The following C1orf167 variants were observed in gnomAD, a reference collection of about 807,000 sequenced individuals.
C1orf167 encodes uncharacterized protein C1orf167.
C1orf167 carries 153 observed loss-of-function variants against 176.5 expected under a neutral mutation model. The ratio of observed to expected loss-of-function variants is 0.87; its 90% confidence interval spans 0.76 to 0.99. C1orf167 has a LOEUF of 0.99. C1orf167 is among the 50% of genes least tolerant of loss of function. The pLI is 0.00. For synonymous variants in C1orf167, 594 were observed against 752.7 expected, an observed-to-expected ratio of 0.79 and a Z score of 3.45; for missense variants, 1,490 against 1,817.7, an observed-to-expected ratio of 0.82 and a Z score of 3.28.
chr1:11,774,659 G>T (rs942836458), intron 8 of C1orf167, among the ~76,000 whole-genome samples: 1 of 152,194 alleles, frequency 6.6e-6, no homozygotes, highest in East Asian at 1.9e-4. Flanking sequence ...TTAGTACAGG[G>T]TAGGGGGGCT....
rs1642841913 is a variant in C1orf167, at chr1:11,767,170, C to T, written c.1300-51C>T. ...GGAGGCTTGGCAGGGGGTGCCCTGT[C>T]CTGCCTGCTGCTTGGCCTGAGAACT... On this transcript the variant is annotated intron_variant, in intron 3 of 20. Coordinates refer to ENST00000688073, the MANE Select transcript of C1orf167 (RefSeq NM_001010881.2). 4 of 1,288,156 alleles carry T rather than the reference C, an allele frequency of 3.1e-6. No individual in the cohort carries two copies. In the East Asian group the frequency reaches 1.7e-4, roughly 54 times the overall value. 79.8% of individuals were successfully genotyped at this position (1,288,156 alleles called of 1,614,324 possible). A position where few individuals can be genotyped will look rare whatever the true frequency, so the allele number is the denominator to read the frequency against.
intron 12 of C1orf167, 112 bp downstream of exon 12, chr1:11,779,192 G>C: frequency 9.6e-7 from 1 of 1,038,926 alleles, no homozygotes; most frequent in South Asian, 1.7e-5. Flanking sequence ...CTGCACCTCA[G>C]GGGGCTTCAG....
In C1orf167 at chr1:11,762,210, G is replaced by C. The variant is rs1386787028; in HGVS notation, c.-166G>C. 2.2e-6 allele frequency: 1 copy of C among 447,770 alleles called. No individual in the cohort carries two copies. The highest frequency in any genetic ancestry group is 4.5e-6 in the Non-Finnish European group (1 of 220,600). 27.7% of individuals were successfully genotyped at this position (447,770 alleles called of 1,614,324 possible). ...TGCTCTCCGACGTCCCCTCCCGCCC[G>C]CGACCTGCCGACCTGCGGGGATCGT... On this transcript the variant is annotated 5_prime_UTR_variant, in exon 1 of 21. Transcript: ENST00000688073.
At chr1:11,781,228 C>T (rs1038522448) in intron 13 of C1orf167, among the ~76,000 whole-genome samples, 4 of 151,954 alleles carry the variant, frequency 2.6e-5, no homozygotes, top group Non-Finnish European at 4.4e-5. Context: ...GAACTCCTGA[C>T]CTCAAGTGAT....
chr1:11,780,600 T>C (rs1428832163), intron 13 of C1orf167, among the ~76,000 whole-genome samples: 2 of 152,210 alleles, frequency 1.3e-5, no homozygotes, highest in Admixed American at 6.5e-5. Context: ...CTTACACATC[T>C]GTAAAATGGG....
rs138288803 is a variant in C1orf167 at position 11,787,929 on chromosome 1, C to T, written c.3730C>T (p.Gln1244Ter). The T allele has an allele frequency of 7.7e-7, 1 of 1,302,798 alleles. No homozygotes were observed. The highest frequency in any genetic ancestry group is 1.0e-6 in the Non-Finnish European group (1 of 988,124). 80.7% of individuals were successfully genotyped at this position (1,302,798 alleles called of 1,614,324 possible). A position where few individuals can be genotyped will look rare whatever the true frequency, so the allele number is the denominator to read the frequency against. The change falls in exon 18 of 21, where the codon CAG (glutamine) becomes TAG (stop). Residue 1244 changes from glutamine to a stop codon, truncating the protein, a stop_gained. Coordinates refer to ENST00000688073, the MANE Select transcript of C1orf167 (RefSeq NM_001010881.2). LOFTEE classifies it high-confidence loss of function. ...CCAGCTCTGGCCACAGTGGCCTGGA[C>T]AGAGTAGCTGGGTCCCAGGCCTGCC... The part of the protein sequence containing the change: ...AFQLWPQWPG[Q>*]SSWVPGLPLW...
chr1:11,786,815 C>T (rs954397595), intron 16 of C1orf167: 1 of 152,216 alleles, frequency 6.6e-6, no homozygotes, highest in African/African-American at 2.4e-5. Flanking sequence ...ACATATGGGG[C>T]TATGGCAACA....
In C1orf167 at chr1:11,768,089, G is replaced by A; in HGVS notation, c.1356G>A (p.Leu452=). ...PESEAICWQL[L]SRCFRSWRHL... is the part of the protein sequence containing the mutation. ...GGTCTGTCCCCAGCTGGCAGCTGTT[G>A]TCCAGATGTTTTCGATCCTGGAGGC... Residue 452 remains leucine, a synonymous_variant, in exon 5 of 21, where the codon TTG becomes TTA. Transcript: ENST00000688073. This position sits in a 1 kb window ranked among gnomAD's most constrained non-coding sequence, Gnocchi z 4.5. 1 of 1,288,068 alleles carries A rather than the reference G, an allele frequency of 7.8e-7. No homozygotes were observed. The highest frequency in any genetic ancestry group is 1.2e-5 in the South Asian group (1 of 80,706). The allele number at this position is 1,288,068 out of a possible 1,614,324, so 79.8% of individuals were successfully genotyped here. A position where few individuals can be genotyped will look rare whatever the true frequency, so the allele number is the denominator to read the frequency against.
intron 1 of C1orf167, among the ~76,000 whole-genome samples, chr1:11,764,105 TG>T (rs1337173272): frequency 6.6e-6 from 1 of 151,840 alleles, no homozygotes; most frequent in Non-Finnish European, 1.5e-5. Context: ...CCGAGAGGTC[TG>T]GGGGGCAGGA....
At chr1:11,770,082 T>C (rs1642981094) in intron 6 of C1orf167, among the ~76,000 whole-genome samples, 1 of 151,082 alleles carries the variant, frequency 6.6e-6, no homozygotes, top group Non-Finnish European at 1.5e-5. Flanking sequence ...CATAGCCCCC[T>C]CCCTGGAAGT....
At position 11,765,938 on chromosome 1, in the gene C1orf167, G is replaced by A; in HGVS notation, c.152G>A (p.Arg51Lys). ...DQWVPGCQVE[R>K]GGPAATPSPG... ...TGGGTGCCCGGGTGCCAGGTGGAGA[G>A]GGGAGGGCCTGCTGCCACACCCTCC... is the stretch of plus-strand genomic sequence containing the variant. The change falls in exon 3 of 21, where the codon AGG (arginine) becomes AAG (lysine). Residue 51 changes from arginine (R) to lysine (K), a missense_variant. By Grantham distance (26) the Arg-to-Lys change is conservative. Coordinates refer to ENST00000688073, the MANE Select transcript of C1orf167 (RefSeq NM_001010881.2). 8.0e-7 allele frequency: 1 copy of A among 1,257,604 alleles called. No individual in the cohort carries two copies. Among genetic ancestry groups the A allele is most frequent in the Non-Finnish European group, 1.0e-6 (1 of 971,358 alleles). 77.9% of individuals were successfully genotyped at this position (1,257,604 alleles called of 1,614,324 possible).
Position 11,786,602 on chromosome 1 carries a change from ATTTTTTTT to A in C1orf167, c.3568-774_3568-767del, listed in dbSNP as rs55780505. Reference sequence around the variant, plus strand: ...AGGCGTGTGCCACCACACCCGGCTAATTTTTTTTTTTTTTTTTTTGTAGAAATGGGATC... The same window carrying A: ...AGGCGTGTGCCACCACACCCGGCTAATTTTTTTTTTTGTAGAAATGGGATC... On this transcript the variant is annotated intron_variant, in intron 16 of 20. Coordinates refer to ENST00000688073, the MANE Select transcript of C1orf167 (RefSeq NM_001010881.2). The A allele has an allele frequency of 0.075, 10,663 of 142,226 alleles. 421 individuals are homozygous for A. Among genetic ancestry groups the A allele is most frequent in the Middle Eastern group, 0.12 (32 of 274 alleles). The allele number at this position is 142,226 out of a possible 1,614,324, so 8.8% of individuals were successfully genotyped here.
chr1:11,771,618 C>T lies in C1orf167; in HGVS notation c.1792C>T (p.Gln598Ter). 2.3e-6 allele frequency: 3 copies of T among 1,289,764 alleles called. No homozygotes were observed. The highest frequency in any genetic ancestry group is 3.0e-6 in the Non-Finnish European group (3 of 988,810). 79.9% of individuals were successfully genotyped at this position (1,289,764 alleles called of 1,614,324 possible). The change falls in exon 7 of 21, where the codon CAG (glutamine) becomes TAG (stop). Residue 598 changes from glutamine to a stop codon, truncating the protein, a stop_gained. Coordinates refer to ENST00000688073, the MANE Select transcript of C1orf167 (RefSeq NM_001010881.2). LOFTEE classifies it high-confidence loss of function. ...CAGACACGAGAGAGTCCAGATCCTG[C>T]AGGCCCTGCAACTGGCTGGTGAGAC... is the stretch of plus-strand genomic sequence containing the variant. ...DSRHERVQIL[Q>*]ALQLAVFFLW...
chr1:11,775,183 G>T (rs1643251928), intron 8 of C1orf167, among the ~76,000 whole-genome samples: 1 of 152,160 alleles, frequency 6.6e-6, no homozygotes, highest in Non-Finnish European at 1.5e-5. Flanking sequence ...CAGCTACTTG[G>T]GAGGCTGATG....
chr1:11,767,717 G>A (rs574499537), intron 4 of C1orf167, among the ~76,000 whole-genome samples: 318 of 152,142 alleles, frequency 2.1e-3, no homozygotes, highest in African/African-American at 7.4e-3. Flanking sequence ...TCTCAGCTAC[G>A]CAGGAGGCTG....
At chr1:11,783,637 C>G (rs1228566663) in intron 14 of C1orf167, among the ~76,000 whole-genome samples, 1 of 152,136 alleles carries the variant, frequency 6.6e-6, no homozygotes, top group African/African-American at 2.4e-5. Flanking sequence ...GGAGGCAGGG[C>G]ATGGCTGATG....
At chr1:11,764,298 T>C (rs1642680317) in intron 1 of C1orf167, 33 bp from the exon 2 acceptor site, 14 of 933,214 alleles carry the variant, frequency 1.5e-5, no homozygotes, top group Non-Finnish European at 1.8e-5. Context: ...TGGGGTTGAA[T>C]GAGAGCCAGG....
At chr1:11,786,150 T>TGGGA (rs1181457365) in intron 16 of C1orf167, 1 of 152,088 alleles carries the variant, frequency 6.6e-6, no homozygotes, top group African/African-American at 2.4e-5. Flanking sequence ...AAGGCATCGG[T>TGGGA]CAGTCCCTCT....
intron 2 of C1orf167, among the ~76,000 whole-genome samples, chr1:11,765,485 CT>C (rs550064555): frequency 2.0e-5 from 3 of 151,478 alleles, no homozygotes; most frequent in African/African-American, 7.3e-5. Context: ...TGATTCTTTT[CT>C]TTTTTTTTCC....
Sources: gnomAD v4.1 joint callset for allele counts (sites outside exome capture counted in the v4.1 genomes callset) on GRCh38, gnomAD v4.1.1 for gene constraint, Gnocchi (gnomAD v3.1) non-coding constraint, MANE v1.5 for transcripts, NCBI Gene and HGNC (gene_info 2026-07-23, HGNC 2026-07-21) for gene names.